The following PKP2 variants were observed in gnomAD, a reference collection of about 807,000 sequenced individuals.
PKP2 encodes plakophilin 2.
A neutral mutation model predicts 83.4 loss-of-function variants in PKP2; 73 were observed. That is an observed-to-expected ratio of 0.88 (90% CI 0.72 to 1.06). The LOEUF is 1.06. PKP2 is among the 50% of genes least tolerant of loss of function. The pLI is 0.00. For synonymous variants in PKP2, 409 were observed against 430.4 expected (o/e 0.95, Z 0.62); for missense variants, 966 against 1,065.4 (o/e 0.91, Z 1.30).
At chr12:32,857,583 C>T (rs937587587) in intron 4 of PKP2, among the ~76,000 whole-genome samples, 2 of 152,152 alleles carry the variant, frequency 1.3e-5, no homozygotes, top group Non-Finnish European at 2.9e-5. Flanking sequence ...TTCTCTTATA[C>T]ATACATTTAA....
rs1394570298 is a variant in PKP2 at position 32,791,531 on chromosome 12, A to G, written c.*893T>C. On this transcript the variant is annotated 3_prime_UTR_variant, in exon 13 of 13. Coordinates refer to ENST00000340811, the MANE Select transcript of PKP2 (RefSeq NM_001005242.3). The stretch of plus-strand genomic sequence containing the variant: ...TAAAGATAGAGTCCATTCTTTCACT[A>G]GTCCAGGGCAGTGGCCAAAAAAGTC... 2 of 152,228 alleles carry G rather than the reference A, an allele frequency of 1.3e-5. No individual in the cohort carries two copies. Among genetic ancestry groups the G allele is most frequent in the Non-Finnish European group, 2.9e-5 (2 of 68,056 alleles). 9.4% of individuals were successfully genotyped at this position (152,228 alleles called of 1,614,324 possible).
chr12:32,886,481 G>A lies in PKP2; in HGVS notation c.224-7449C>T, dbSNP rs535295622. 3.9e-5 allele frequency among the ~76,000 whole-genome samples: 6 copies of A among 152,268 alleles called. No homozygotes were observed. In the South Asian group the frequency reaches 8.3e-4, roughly 21 times the overall value. On this transcript the variant is annotated intron_variant, in intron 1 of 12. Coordinates refer to ENST00000340811, the MANE Select transcript of PKP2 (RefSeq NM_001005242.3). Reference sequence around the variant, plus strand: ...CTCATCAAAGACCATACGTATGTCCGCACTCCTGAGTTGGTGAAGGAATTT... The same window carrying A: ...CTCATCAAAGACCATACGTATGTCCACACTCCTGAGTTGGTGAAGGAATTT...
intron 1 of PKP2, among the ~76,000 whole-genome samples, chr12:32,889,792 G>C (rs1378559175): frequency 6.6e-6 from 1 of 152,114 alleles, no homozygotes; most frequent in African/African-American, 2.4e-5. Flanking sequence ...TAGAAAAGCA[G>C]ACTTTGGGCC....
At chr12:32,840,533 A>G (rs896782392) in intron 6 of PKP2, among the ~76,000 whole-genome samples, 1 of 152,038 alleles carries the variant, frequency 6.6e-6, no homozygotes, top group Non-Finnish European at 1.5e-5. Flanking sequence ...TCCTGACCTC[A>G]ACTGATCCTT....
At chr12:32,834,579 A>C (rs1374221158) in intron 6 of PKP2, among the ~76,000 whole-genome samples, 1 of 152,026 alleles carries the variant, frequency 6.6e-6, no homozygotes, top group Non-Finnish European at 1.5e-5. Context: ...AGTCTGATGG[A>C]GCCCCTACCA....
At chr12:32,821,307 T>C in intron 9 of PKP2, 49 bp downstream of exon 9, 1 of 1,458,418 alleles carries the variant, frequency 6.9e-7, no homozygotes, top group East Asian at 2.3e-5. Context: ...TGTAGGTATG[T>C]CTACAATATC....
rs34249258 is a variant in PKP2 at position 32,819,885 on chromosome 12, ACC to A, written c.2013+1469_2013+1470del. 4.6e-3 allele frequency among the ~76,000 whole-genome samples: 664 copies of A among 145,598 alleles called. 4 individuals carry two copies. Among genetic ancestry groups the A allele is most frequent in the East Asian group, 0.041 (199 of 4,882 alleles). ...ACACACACACACACACGCACACACA[ACC>A]CCCCCCCCCCCATTTAATTTTCTTT... is the stretch of plus-strand genomic sequence containing the variant. On this transcript the variant is annotated intron_variant, in intron 9 of 12. Transcript: ENST00000340811.
intron 3 of PKP2, 85 bp downstream of exon 3, chr12:32,877,761 C>A: frequency 1.0e-6 from 1 of 1,004,594 alleles, no homozygotes; most frequent in East Asian, 2.5e-5. Flanking sequence ...CTCTCAAGCC[C>A]CAGAAGTGCC....
At chr12:32,867,749 T>TA (rs1206677532) in intron 4 of PKP2, among the ~76,000 whole-genome samples, 4 of 152,296 alleles carry the variant, frequency 2.6e-5, no homozygotes, top group Non-Finnish European at 4.4e-5. Context: ...TCTGGAAAGA[T>TA]AAAAAAATTG....
At chr12:32,879,788 G>A (rs1031905800) in intron 1 of PKP2, among the ~76,000 whole-genome samples, 1 of 143,152 alleles carries the variant, frequency 7.0e-6, no homozygotes, top group Non-Finnish European at 1.5e-5. Context: ...CTGAGATTGC[G>A]CCATTGCACT....
chr12:32,893,944 C>T (rs1417710404), intron 1 of PKP2: 6 of 102,768 alleles, frequency 5.8e-5, no homozygotes, highest in South Asian at 3.3e-4. Context: ...TTTGAGATGG[C>T]GTTTCGCTCT....
intron 5 of PKP2, among the ~76,000 whole-genome samples, chr12:32,849,750 AC>A (rs1956680664): frequency 6.6e-6 from 1 of 152,234 alleles, no homozygotes; most frequent in African/African-American, 2.4e-5. Context: ...TAAAAAGGAG[AC>A]ATTTGCTCCA....
At chr12:32,809,106 A>G (rs10844365) in intron 9 of PKP2, among the ~76,000 whole-genome samples, 30,036 of 151,778 alleles carry the variant, frequency 0.2, 3,652 homozygotes, top group East Asian at 0.56. Context: ...TCTCTAGAGT[A>G]GGCAAGCTGG....
At chr12:32,831,924 A>G (rs1395544126) in intron 6 of PKP2, among the ~76,000 whole-genome samples, 3 of 152,224 alleles carry the variant, frequency 2.0e-5, no homozygotes, top group East Asian at 3.8e-4. Flanking sequence ...AAGCATAGCC[A>G]TATTTGTTTT....
In PKP2 at chr12:32,810,928, G is replaced by A. The variant is rs1192091134; in HGVS notation, c.2014-8372C>T. 3.1e-4 allele frequency among the ~76,000 whole-genome samples: 2 copies of A among 6,518 alleles called. 1 individual carries two copies. Among genetic ancestry groups the A allele is most frequent in the Non-Finnish European group, 4.3e-3 (2 of 464 alleles). The allele number at this position is 6,518 out of a possible 152,430, so 4.3% of individuals were successfully genotyped here. ...GATCTCCTGACCTCGTGATCCGCCC[G>A]CCTCGGCCTCCCAAAGTGCTGGGAT... On this transcript the variant is annotated intron_variant, in intron 9 of 12. Transcript: ENST00000340811.
At chr12:32,800,043 T>C (rs1956165526) in intron 10 of PKP2, among the ~76,000 whole-genome samples, 1 of 152,162 alleles carries the variant, frequency 6.6e-6, no homozygotes, top group Non-Finnish European at 1.5e-5. Context: ...TTTTCATGTA[T>C]GTTTTCCTCT....
In PKP2 at chr12:32,850,942, A is replaced by T. The variant is rs1340944438; in HGVS notation, c.1202T>A (p.Leu401Gln). The T allele has an allele frequency of 1.2e-6, 2 of 1,614,048 alleles. No individual in the cohort carries two copies. Among genetic ancestry groups the T allele is most frequent in the Non-Finnish European group, 1.7e-6 (2 of 1,180,032 alleles). ...VNQLRGILKL[L>Q]QLLKVQNEDV... is the part of the protein sequence containing the mutation. ...TTCATTCTGAACTTTTAGGAGCTGC[A>T]GAAGCTTGAGGATGCCACGAAGCTG... is the stretch of plus-strand genomic sequence containing the variant. Residue 401 changes from leucine to glutamine, a missense_variant, in exon 5 of 13, where the codon CTG (leucine) becomes CAG (glutamine). Coordinates refer to ENST00000340811, the MANE Select transcript of PKP2 (RefSeq NM_001005242.3).
At position 32,869,396 on chromosome 12, in the gene PKP2, C is replaced by T. The variant is rs150759210; in HGVS notation, c.1035-334G>A. On this transcript the variant is annotated intron_variant, in intron 3 of 12. Transcript: ENST00000340811. ...GGTCAGGAGTTCAAGACCAGCCTGG[C>T]CAACATGGTGAAACCCTATCTCTAC... Among the ~76,000 whole-genome samples the T allele has an allele frequency of 0.041, 6,234 of 151,340 alleles. 190 individuals are homozygous for T. Among genetic ancestry groups the T allele is most frequent in the Non-Finnish European group, 0.059 (4,009 of 67,712 alleles).
At chr12:32,840,302 T>A (rs1956577933) in intron 6 of PKP2, among the ~76,000 whole-genome samples, 1 of 152,166 alleles carries the variant, frequency 6.6e-6, no homozygotes, top group South Asian at 2.1e-4. Flanking sequence ...CGGATATTCT[T>A]GTTTTATATT....
Sources: allele counts gnomAD v4.1 joint callset (sites outside exome capture counted in the v4.1 genomes callset), GRCh38; gene constraint gnomAD v4.1.1; transcripts MANE v1.5; gene names NCBI Gene and HGNC (gene_info 2026-07-23, HGNC 2026-07-21).